GIGYF2: variants seen among roughly 807,000 people sequenced by gnomAD.
GIGYF2 encodes GRB10 interacting GYF protein 2, also known as GRB10-interacting GYF protein 2.
In GIGYF2, 25 loss-of-function variants were observed where a neutral mutation model predicts 208.1. The observed-to-expected ratio is 0.12, with a 90% CI of 0.09 to 0.17. The LOEUF is 0.17. Among genes scored for constraint, GIGYF2 ranks in the 10% least tolerant of loss-of-function variants. GIGYF2 has a pLI of 1.00. For missense variants in GIGYF2, 1,302 were observed against 1,579.4 expected, an observed-to-expected ratio of 0.82 and a Z score of 2.98; for synonymous variants, 534 against 543.8, an observed-to-expected ratio of 0.98 and a Z score of 0.25.
chr2:232,770,888 CA>C lies in GIGYF2; in HGVS notation c.532+9455del, dbSNP rs777396981. 10 of 1,592,294 alleles carry C rather than the reference CA, an allele frequency of 6.3e-6. No homozygotes were observed. The South Asian group carries it at 1.0e-4, about 16-fold the overall frequency. ...TTTTTGTTTTTGTTTTTTTTAAGAA[CA>C]AAGACAAAATTACCTGTGATAAAAG... On this transcript the variant is annotated intron_variant, in intron 8 of 28. Coordinates refer to ENST00000373563, the MANE Select transcript of GIGYF2 (RefSeq NM_001103146.3).
intron 21 of GIGYF2, among the ~76,000 whole-genome samples, chr2:232,829,622 C>T (rs1260504270): frequency 6.6e-6 from 1 of 152,194 alleles, no homozygotes; most frequent in East Asian, 1.9e-4. Flanking sequence ...CTACTTCATG[C>T]CTGTAGTTTA....
At chr2:232,812,642 A>G in intron 18 of GIGYF2, 151 bp downstream of exon 18, 3 of 616,958 alleles carry the variant, frequency 4.9e-6, no homozygotes, top group Non-Finnish European at 8.6e-6. Context: ...GATCCAAGCA[A>G]TATTGAAGGT....
chr2:232,820,818 C>G (rs890543244), intron 21 of GIGYF2, among the ~76,000 whole-genome samples: 1 of 151,790 alleles, frequency 6.6e-6, no homozygotes, highest in Non-Finnish European at 1.5e-5. Context: ...TTTTTGGTTT[C>G]TTTTTTTCTT....
At chr2:232,760,721 C>T in intron 7 of GIGYF2, 130 bp downstream of exon 7, 2 of 666,840 alleles carry the variant, frequency 3.0e-6, no homozygotes, top group South Asian at 1.7e-5. Context: ...AAGTATTGAA[C>T]ATCAAGTTGT....
At chr2:232,836,258 CTCTACATA>C (rs1701586768) in intron 22 of GIGYF2, among the ~76,000 whole-genome samples, 1 of 96,942 alleles carries the variant, frequency 1.0e-5, no homozygotes, top group African/African-American at 4.5e-5. Context: ...GAAACCCCAT[CTCTACATA>C]TATATATATA....
chr2:232,843,672 G>A (rs552713844), intron 23 of GIGYF2, among the ~76,000 whole-genome samples: 2 of 151,768 alleles, frequency 1.3e-5, no homozygotes, highest in East Asian at 1.9e-4. Context: ...CCAGGAGTTC[G>A]AGACCAGCCC....
intron 12 of GIGYF2, among the ~76,000 whole-genome samples, chr2:232,793,223 A>G (rs1700124567): frequency 6.6e-6 from 1 of 152,226 alleles, no homozygotes; most frequent in Admixed American, 6.5e-5. Flanking sequence ...CGTAGTTAGA[A>G]CATGGATTTG....
At chr2:232,760,436 T>C (rs1419361490) in intron 6 of GIGYF2, 44 bp from the exon 7 acceptor site, 1 of 1,222,390 alleles carries the variant, frequency 8.2e-7, no homozygotes, top group Admixed American at 1.7e-5. Flanking sequence ...GTGTGCCACA[T>C]GTTGACATCT....
intron 1 of GIGYF2, among the ~76,000 whole-genome samples, chr2:232,699,019 C>G (rs1340342838): frequency 6.6e-6 from 1 of 152,134 alleles, no homozygotes. Flanking sequence ...GAATTCATTT[C>G]TAGACAGATA....
At chr2:232,735,086 G>T (rs1697678623) in intron 2 of GIGYF2, 69 bp from the exon 3 acceptor site, 2 of 755,508 alleles carry the variant, frequency 2.6e-6, no homozygotes, top group African/African-American at 3.5e-5. Context: ...CTCTCTAACT[G>T]TACTTTCTGG....
intron 3 of GIGYF2, chr2:232,735,827 CT>C (rs1697710548): frequency 1.0e-6 from 1 of 985,324 alleles, no homozygotes; most frequent in African/African-American, 1.7e-5. Flanking sequence ...TGTAGTGTGG[CT>C]TCCCCCCCTC....
At chr2:232,767,552 G>T (rs952966354) in intron 8 of GIGYF2, 6 of 152,982 alleles carry the variant, frequency 3.9e-5, no homozygotes, top group Non-Finnish European at 4.4e-5. Flanking sequence ...ACAAATAAGT[G>T]AACATATATG....
chr2:232,813,293 G>T (rs1028540106), intron 18 of GIGYF2, among the ~76,000 whole-genome samples: 1 of 149,882 alleles, frequency 6.7e-6, no homozygotes, highest in Non-Finnish European at 1.5e-5. Flanking sequence ...AGGTTCAAGC[G>T]ATTCTTCTGC....
chr2:232,779,009 A>G (rs1223413079), intron 8 of GIGYF2, among the ~76,000 whole-genome samples: 1 of 152,138 alleles, frequency 6.6e-6, no homozygotes. Flanking sequence ...GCTGTTCCCT[A>G]AGTTCTCTCA....
In GIGYF2 at chr2:232,844,143, C is replaced by T; in HGVS notation, c.2987C>T (p.Ser996Leu). 6.3e-7 allele frequency: 1 copy of T among 1,580,138 alleles called. No individual in the cohort carries two copies. Among genetic ancestry groups the T allele is most frequent in the Non-Finnish European group, 8.6e-7 (1 of 1,160,710 alleles). The change falls in exon 24 of 29, where the codon TCA becomes TTA. Residue 996 changes from serine (S) to leucine (L), a missense_variant. By Grantham distance (145) the Ser-to-Leu change is moderately radical. Coordinates refer to ENST00000373563, the MANE Select transcript of GIGYF2 (RefSeq NM_001103146.3). ...GGTTGGGGGAATGTCAGCAAACCTT[C>T]AGGTACCACGAAATCTCTTCTGGAG... Reference protein sequence around the residue: ...LSGWGNVSKPSGTTKSLLEIQ... With the variant: ...LSGWGNVSKPLGTTKSLLEIQ...
chr2:232,769,474 C>A (rs946084897), intron 8 of GIGYF2, among the ~76,000 whole-genome samples: 10 of 147,064 alleles, frequency 6.8e-5, no homozygotes, highest in African/African-American at 2.3e-4. Context: ...GCACTGCACT[C>A]CAGCCTGGGC....
intron 21 of GIGYF2, among the ~76,000 whole-genome samples, chr2:232,822,564 C>T (rs1299718949): frequency 6.6e-6 from 1 of 152,038 alleles, no homozygotes; most frequent in Non-Finnish European, 1.5e-5. Context: ...GCCTGTAATC[C>T]CAGTTACTTG....
chr2:232,772,252 T>A (rs1346918501), intron 8 of GIGYF2, among the ~76,000 whole-genome samples: 2 of 152,174 alleles, frequency 1.3e-5, no homozygotes, highest in African/African-American at 4.8e-5. Flanking sequence ...TTTGTTTTTG[T>A]CACTTTGCAA....
rs146797648 is a variant in GIGYF2, at chr2:232,768,585, C to T, written c.532+7149C>T. On this transcript the variant is annotated intron_variant, in intron 8 of 28. Transcript: ENST00000373563. ...GATGAAGAATGGACATTCGTCAGAA[C>T]TGATGCCATCAAGGTGGAAATCCAC... 2.5e-4 allele frequency: 401 copies of T among 1,614,142 alleles called. 1 individual carries two copies. Among genetic ancestry groups the T allele is most frequent in the Middle Eastern group, 1.5e-3 (9 of 6,062 alleles).
Sources: allele counts gnomAD v4.1 joint callset (sites outside exome capture counted in the v4.1 genomes callset), GRCh38; gene constraint gnomAD v4.1.1; transcripts MANE v1.5; gene names NCBI Gene and HGNC (gene_info 2026-07-23, HGNC 2026-07-21).